Variants in OSBPL10 observed in about 807,000 individuals in gnomAD.
OSBPL10 encodes oxysterol-binding protein-related protein 10.
Under a neutral mutation model 81.7 loss-of-function variants are expected in OSBPL10, and 49 were observed. The observed-to-expected ratio is 0.60, with a 90% CI of 0.48 to 0.76. The LOEUF is 0.76. Ranked by LOEUF, OSBPL10 falls within the 30% of genes least tolerant of loss-of-function variation. The pLI is 0.00. For missense variants in OSBPL10, 923 were observed against 987.8 expected, an observed-to-expected ratio of 0.93 and a Z score of 0.88; for synonymous variants, 419 against 383.6, an observed-to-expected ratio of 1.09 and a Z score of -1.08.
intron 4 of OSBPL10, among the ~76,000 whole-genome samples, chr3:31,756,523 TTCTGAC>T (rs1163867901): frequency 6.6e-6 from 1 of 151,898 alleles, no homozygotes; most frequent in Non-Finnish European, 1.5e-5. Flanking sequence ...TCTGGTATTA[TTCTGAC>T]TCTTTTAATT....
intron 1 of OSBPL10, among the ~76,000 whole-genome samples, chr3:31,924,734 T>C (rs1026337024): frequency 2.0e-5 from 3 of 152,166 alleles, no homozygotes; most frequent in African/African-American, 7.2e-5. Context: ...ATATGGTATT[T>C]GTCAGAACTA....
At chr3:31,923,893 G>A (rs1180144339) in intron 1 of OSBPL10, among the ~76,000 whole-genome samples, 1 of 152,060 alleles carries the variant, frequency 6.6e-6, no homozygotes, top group East Asian at 1.9e-4. Context: ...ATTTATAATA[G>A]CTTACTTTTC....
Position 32,051,861 on chromosome 3 carries a change from C to T in OSBPL10, n.186-5258G>A, listed in dbSNP as rs76823391. The stretch of plus-strand genomic sequence containing the variant: ...TTAACTGGCTTAAAAATAATAAGCA[C>T]TTAATTCAAATGTTTTGTCAGAAAA... On this transcript the variant is annotated intron_variant and non_coding_transcript_variant, in intron 1 of 3. Coordinates refer to the OSBPL10 transcript ENST00000479173. Among the ~76,000 whole-genome samples the T allele has an allele frequency of 4.0e-4, 61 of 152,248 alleles. 2 individuals carry two copies. The East Asian group carries it at 9.8e-3, about 25-fold the overall frequency.
intron 4 of OSBPL10, among the ~76,000 whole-genome samples, chr3:31,826,968 A>T (rs182627341): frequency 6.6e-6 from 1 of 152,322 alleles, no homozygotes; most frequent in Non-Finnish European, 1.5e-5. Context: ...TCTTACTTAA[A>T]TTTTGAGTAA....
intron 4 of OSBPL10, among the ~76,000 whole-genome samples, chr3:31,817,718 G>A (rs896215655): frequency 2.4e-4 from 36 of 152,278 alleles, no homozygotes; most frequent in African/African-American, 7.5e-4. Flanking sequence ...TCTGGACTGC[G>A]GTTTGGGTGA....
intron 1 of OSBPL10, among the ~76,000 whole-genome samples, chr3:31,918,260 A>C (rs555657394): frequency 6.6e-6 from 1 of 152,272 alleles, no homozygotes; most frequent in East Asian, 1.9e-4. Context: ...GTTAAAAGAC[A>C]GCAAGACAAG....
intron 1 of OSBPL10, among the ~76,000 whole-genome samples, chr3:32,059,835 C>T (rs1372876354): frequency 6.6e-6 from 1 of 151,684 alleles, no homozygotes; most frequent in Non-Finnish European, 1.5e-5. Flanking sequence ...TTGATTGAGC[C>T]CAGGAGGTGG....
chr3:31,688,607 CTT>C (rs1700859907), intron 7 of OSBPL10, among the ~76,000 whole-genome samples: 1 of 152,122 alleles, frequency 6.6e-6, no homozygotes, highest in Non-Finnish European at 1.5e-5. Flanking sequence ...TGAGAGACAC[CTT>C]TGTTTCCTTT....
intron 1 of OSBPL10, among the ~76,000 whole-genome samples, chr3:31,896,857 AG>A (rs1269055883): frequency 6.6e-6 from 1 of 152,076 alleles, no homozygotes; most frequent in Non-Finnish European, 1.5e-5. Context: ...GAGGGAGGGG[AG>A]GAAAGGCAGG....
intron 4 of OSBPL10, among the ~76,000 whole-genome samples, chr3:31,802,549 C>CAA (rs746823677): frequency 0.055 from 5,233 of 94,636 alleles, 500 homozygotes; most frequent in African/African-American, 0.19. Flanking sequence ...GCCTGGGTAT[C>CAA]AAAAAAAAAA....
intron 6 of OSBPL10, chr3:31,708,920 C>T: frequency 1.0e-6 from 1 of 985,434 alleles, no homozygotes; most frequent in Non-Finnish European, 1.2e-6. Flanking sequence ...ATAGCTGGTA[C>T]CCCTTGGCCC....
chr3:32,030,445 A>G lies in OSBPL10; in HGVS notation n.298+16046T>C, dbSNP rs1223069295. ...GGTAAAGAAACAAGTTAAGGGCAAG[A>G]TTCTTGCCAAGAGAATTAATGTGCG... On this transcript the variant is annotated intron_variant and non_coding_transcript_variant, in intron 2 of 3. Transcript: ENST00000479173. The G allele has an allele frequency of 4.4e-6, 3 of 681,190 alleles. No homozygotes were observed. The East Asian group carries it at 8.7e-5, about 20-fold the overall frequency. The allele number at this position is 681,190 out of a possible 1,614,324, so 42.2% of individuals were successfully genotyped here.
At chr3:31,758,130 C>A (rs1284203222) in intron 4 of OSBPL10, among the ~76,000 whole-genome samples, 1 of 152,114 alleles carries the variant, frequency 6.6e-6, no homozygotes, top group Non-Finnish European at 1.5e-5. Flanking sequence ...ATCTGCCTTC[C>A]CCTCACCCTT....
At chr3:31,905,409 G>C (rs1696380606) in intron 1 of OSBPL10, among the ~76,000 whole-genome samples, 2 of 142,202 alleles carry the variant, frequency 1.4e-5, no homozygotes, top group African/African-American at 5.3e-5. Flanking sequence ...GAGTGTAGTG[G>C]CACAATCTTG....
At chr3:31,817,488 G>A (rs941292160) in intron 4 of OSBPL10, among the ~76,000 whole-genome samples, 5 of 152,194 alleles carry the variant, frequency 3.3e-5, no homozygotes, top group Non-Finnish European at 5.9e-5. Context: ...GCTTGTCCCC[G>A]GCTCCTGCCT....
intron 4 of OSBPL10, among the ~76,000 whole-genome samples, chr3:31,789,220 G>A (rs902323847): frequency 2.6e-5 from 4 of 152,060 alleles, no homozygotes; most frequent in Non-Finnish European, 4.4e-5. Flanking sequence ...CACCATGTCC[G>A]GCTAGGATGT....
At chr3:31,901,706 A>G (rs572932330) in intron 1 of OSBPL10, among the ~76,000 whole-genome samples, 31 of 152,328 alleles carry the variant, frequency 2.0e-4, no homozygotes, top group Admixed American at 5.9e-4. Flanking sequence ...CCACATCAGG[A>G]TTCTTCACTG....
At chr3:31,859,829 C>T (rs865972580) in intron 3 of OSBPL10, among the ~76,000 whole-genome samples, 3 of 152,144 alleles carry the variant, frequency 2.0e-5, no homozygotes, top group African/African-American at 7.2e-5. Flanking sequence ...ATTACAGCAC[C>T]CTTACCTTGT....
In OSBPL10 at chr3:31,876,651, C is replaced by A. The variant is rs1039199845; in HGVS notation, c.458-139G>T. 1.8e-5 allele frequency: 12 copies of A among 669,354 alleles called. No homozygotes were observed. The Admixed American group carries it at 2.8e-4, about 16-fold the overall frequency. 41.5% of individuals were successfully genotyped at this position (669,354 alleles called of 1,614,324 possible). A position where few individuals can be genotyped will look rare whatever the true frequency, so the allele number is the denominator to read the frequency against. On this transcript the variant is annotated intron_variant, in intron 2 of 11. Transcript: ENST00000396556. ...AGAAGGTGGGGAAGCAAGCACAGAT[C>A]ACAACGTTCTCAAGCGGCCTGTACT...
Sources: gnomAD v4.1 joint callset for allele counts (sites outside exome capture counted in the v4.1 genomes callset) on GRCh38, gnomAD v4.1.1 for gene constraint, MANE v1.5 for transcripts, NCBI Gene and HGNC (gene_info 2026-07-23, HGNC 2026-07-21) for gene names.